SUGCT: variants seen among roughly 807,000 people sequenced by gnomAD.
The protein encoded by SUGCT is succinyl-CoA:glutarate CoA-transferase.
In SUGCT, 41 loss-of-function variants were observed where a neutral mutation model predicts 55.0. That is an observed-to-expected ratio of 0.74 (90% CI 0.58 to 0.97). The LOEUF (loss-of-function observed/expected upper bound fraction) is 0.97, where lower values mean the gene tolerates loss of function less well. SUGCT is among the 50% of genes least tolerant of loss of function. SUGCT has a pLI of 0.00. For synonymous variants in SUGCT, 187 were observed against 200.4 expected, an observed-to-expected ratio of 0.93 and a Z score of 0.56; for missense variants, 568 against 547.8, an observed-to-expected ratio of 1.04 and a Z score of -0.37.
chr7:40,402,983 T>C (rs953767082), intron 9 of SUGCT, among the ~76,000 whole-genome samples: 2 of 152,188 alleles, frequency 1.3e-5, no homozygotes, highest in African/African-American at 4.8e-5. Flanking sequence ...TTCCAATAGG[T>C]TAGAGGCAGC....
chr7:40,386,837 A>G (rs1030381012), intron 9 of SUGCT, among the ~76,000 whole-genome samples: 13 of 152,124 alleles, frequency 8.5e-5, no homozygotes, highest in Admixed American at 2.6e-4. Flanking sequence ...GGAGCTCTGC[A>G]AGAGGAAACT....
intron 9 of SUGCT, among the ~76,000 whole-genome samples, chr7:40,446,994 A>C (rs992286307): frequency 6.6e-6 from 1 of 152,188 alleles, no homozygotes; most frequent in African/African-American, 2.4e-5. Context: ...ACCCATTTAT[A>C]GTGCACAATT....
At chr7:40,671,082 A>G (rs1451253450) in intron 12 of SUGCT, among the ~76,000 whole-genome samples, 2 of 152,200 alleles carry the variant, frequency 1.3e-5, no homozygotes, top group African/African-American at 2.4e-5. Flanking sequence ...GCAAGTTACA[A>G]TGCTTGAAAA....
At chr7:40,600,052 G>T (rs1005363609) in intron 12 of SUGCT, among the ~76,000 whole-genome samples, 4 of 152,138 alleles carry the variant, frequency 2.6e-5, no homozygotes, top group African/African-American at 9.7e-5. Context: ...TCTTGTGCCC[G>T]TCAGCAGTTC....
intron 9 of SUGCT, among the ~76,000 whole-genome samples, chr7:40,369,561 G>T (rs1351928880): frequency 6.6e-6 from 1 of 152,148 alleles, no homozygotes; most frequent in Non-Finnish European, 1.5e-5. Context: ...AAGAAGGAAG[G>T]AAGTTGAGTA....
chr7:40,845,392 C>G (rs1793503617), intron 13 of SUGCT, among the ~76,000 whole-genome samples: 1 of 152,178 alleles, frequency 6.6e-6, no homozygotes, highest in South Asian at 2.1e-4. Context: ...CACACAGCCT[C>G]AGGTCCAGCG....
At chr7:40,173,136 A>G (rs371627859) in intron 1 of SUGCT, among the ~76,000 whole-genome samples, 1 of 152,218 alleles carries the variant, frequency 6.6e-6, no homozygotes, top group African/African-American at 2.4e-5. Context: ...ACCTAGGGCC[A>G]TGCAGTGAGT....
At chr7:40,867,661 C>A in the SUGCT span, among the ~76,000 whole-genome samples, 62 of 152,254 alleles carry the variant, frequency 4.1e-4, no homozygotes, top group African/African-American at 1.5e-3. Context: ...TAGATAACTT[C>A]TTTTAGTTTT....
chr7:40,304,722 T>G (rs561985502), intron 8 of SUGCT, among the ~76,000 whole-genome samples: 33 of 2,864 alleles, frequency 0.012, no homozygotes, highest in South Asian at 0.069. Flanking sequence ...TCACTTAGAA[T>G]AATAATAATA....
At chr7:40,939,069 C>T in the SUGCT span, among the ~76,000 whole-genome samples, 2 of 152,178 alleles carry the variant, frequency 1.3e-5, no homozygotes, top group African/African-American at 2.4e-5. Context: ...GATAAAGACC[C>T]GAGACAGGGC....
chr7:40,529,840 T>C (rs1368966642), intron 12 of SUGCT, among the ~76,000 whole-genome samples: 1 of 152,176 alleles, frequency 6.6e-6, no homozygotes, highest in Non-Finnish European at 1.5e-5. Flanking sequence ...AATAAATGAA[T>C]TGTAGAAAAT....
At chr7:40,593,387 G>C (rs560964976) in intron 12 of SUGCT, among the ~76,000 whole-genome samples, 5 of 152,298 alleles carry the variant, frequency 3.3e-5, no homozygotes, top group African/African-American at 1.2e-4. Flanking sequence ...TTTAGGGGCA[G>C]TAGATGGATT....
chr7:40,371,217 G>A (rs1265373460), intron 9 of SUGCT, among the ~76,000 whole-genome samples: 4 of 152,048 alleles, frequency 2.6e-5, no homozygotes, highest in African/African-American at 4.8e-5. Flanking sequence ...GTTTTTTGCT[G>A]TATAAGTACC....
chr7:40,748,508 T>C (rs1787849906), intron 12 of SUGCT, among the ~76,000 whole-genome samples: 1 of 151,872 alleles, frequency 6.6e-6, no homozygotes, highest in Non-Finnish European at 1.5e-5. Context: ...TGTTTAATAG[T>C]TGTAGTTTTA....
intron 12 of SUGCT, among the ~76,000 whole-genome samples, chr7:40,523,851 G>A (rs1793675683): frequency 6.6e-6 from 1 of 152,038 alleles, no homozygotes. Context: ...TTTAACTACT[G>A]TGGCTACATA....
At chr7:40,722,098 T>G (rs1393907164) in intron 12 of SUGCT, among the ~76,000 whole-genome samples, 2 of 152,122 alleles carry the variant, frequency 1.3e-5, no homozygotes, top group African/African-American at 4.8e-5. Context: ...CTTTGAATGA[T>G]TTCGTCCACC....
chr7:40,640,317 T>TGG (rs1800214279), intron 12 of SUGCT, among the ~76,000 whole-genome samples: 1 of 152,258 alleles, frequency 6.6e-6, no homozygotes, highest in African/African-American at 2.4e-5. Flanking sequence ...ATTTAGCAGC[T>TGG]GGAAACCTTA....
At chr7:40,611,880 G>A (rs573707919) in intron 12 of SUGCT, among the ~76,000 whole-genome samples, 12 of 152,274 alleles carry the variant, frequency 7.9e-5, no homozygotes, top group African/African-American at 2.6e-4. Context: ...CAGCTGATAT[G>A]ATCTGTGCAG....
In SUGCT at chr7:40,244,831, T is replaced by TGA. The variant is rs112955044; in HGVS notation, c.576+7119_576+7120dup. ...TTCATCATACAAACCAGGACAGTTTTGAGAGAGAGAGAGAGCAGGAAGGTC... is the reference window on the plus strand; with the variant it reads ...TTCATCATACAAACCAGGACAGTTTTGAGAGAGAGAGAGAGAGCAGGAAGGTC... On this transcript the variant is annotated intron_variant, in intron 7 of 13. Transcript: ENST00000335693. Among the ~76,000 whole-genome samples the TGA allele has an allele frequency of 7.1e-3, 1,079 of 151,426 alleles. 11 individuals carry two copies. The highest frequency in any genetic ancestry group is 0.024 in the African/African-American group (1,003 of 41,324).
Sources: gnomAD v4.1 joint callset for allele counts (sites outside exome capture counted in the v4.1 genomes callset) on GRCh38, gnomAD v4.1.1 for gene constraint, MANE v1.5 for transcripts, NCBI Gene and HGNC (gene_info 2026-07-23, HGNC 2026-07-21) for gene names.